APP: variants seen among roughly 807,000 people sequenced by gnomAD.
APP encodes the protein amyloid beta precursor protein, also known as amyloid-beta precursor protein.
APP carries 31 observed loss-of-function variants against 101.4 expected under a neutral mutation model. The ratio of observed to expected loss-of-function variants is 0.31; its 90% CI spans 0.23 to 0.41. APP has a LOEUF of 0.41. Among genes scored for constraint, APP ranks in the 10% least tolerant of loss-of-function variants. The probability of loss-of-function intolerance (pLI) is 1.00; values close to 1 mark genes in which losing one functional copy is unlikely to be tolerated. For missense variants in APP, 839 were observed against 1,003.7 expected, an observed-to-expected ratio of 0.84 and a Z score of 2.22; for synonymous variants, 366 against 364.4, an observed-to-expected ratio of 1.00 and a Z score of -0.05.
intron 5 of APP, among the ~76,000 whole-genome samples, chr21:26,025,018 A>C (rs1001808567): frequency 2.0e-5 from 3 of 152,252 alleles, no homozygotes; most frequent in Non-Finnish European, 4.4e-5. Flanking sequence ...CTAGGACGAA[A>C]TAGGTGAAAA....
intron 4 of APP, among the ~76,000 whole-genome samples, 170 bp downstream of exon 4, chr21:26,053,066 A>T (rs559331668): frequency 7.5e-4 from 114 of 152,226 alleles, no homozygotes; most frequent in Middle Eastern, 3.4e-3. Context: ...TTTGCTGTGA[A>T]CCTAAAATCA....
chr21:26,011,155 A>C (rs546090707), intron 6 of APP, among the ~76,000 whole-genome samples: 1 of 152,142 alleles, frequency 6.6e-6, no homozygotes, highest in South Asian at 2.1e-4. Context: ...AGCTCACTGC[A>C]ACCTCAACCT....
chr21:26,048,667 A>T (rs1189679959), intron 5 of APP, among the ~76,000 whole-genome samples: 1 of 152,212 alleles, frequency 6.6e-6, no homozygotes, highest in East Asian at 1.9e-4. Context: ...CTAACAGATA[A>T]AAAGAGATAT....
At chr21:25,895,082 T>C (rs1330623703) in intron 16 of APP, among the ~76,000 whole-genome samples, 2 of 150,494 alleles carry the variant, frequency 1.3e-5, no homozygotes, top group African/African-American at 4.9e-5. Flanking sequence ...TAAAATATTT[T>C]ACTAATAAAA....
intron 13 of APP, among the ~76,000 whole-genome samples, chr21:25,936,508 A>C (rs1042223390): frequency 4.6e-5 from 7 of 152,184 alleles, no homozygotes; most frequent in African/African-American, 1.4e-4. Context: ...GTGCCATTGC[A>C]CTCCAGCCTG....
At chr21:25,938,535 A>C (rs1045069351) in intron 13 of APP, among the ~76,000 whole-genome samples, 11 of 152,180 alleles carry the variant, frequency 7.2e-5, no homozygotes, top group African/African-American at 2.7e-4. Flanking sequence ...ATGAGTTTTA[A>C]AAACCTCTGA....
At chr21:25,935,341 T>C (rs1263829962) in intron 13 of APP, 1 of 152,224 alleles carries the variant, frequency 6.6e-6, no homozygotes, top group African/African-American at 2.4e-5. Flanking sequence ...TTTCATTTTA[T>C]TCTTGTGTAA....
chr21:26,000,064 C>G lies in APP; in HGVS notation c.984G>C (p.Arg328=). ...AGTACTCTTCTGTGTCAAAGTTGTTCCGGTTGCCGCCACATCCGCCGTAAA... is the reference window on the plus strand; with the variant it reads ...AGTACTCTTCTGTGTCAAAGTTGTTGCGGTTGCCGCCACATCCGCCGTAAA... ...PFFYGGCGGN[R]NNFDTEEYCM... is the part of the protein sequence containing the mutation. Residue 328 remains arginine (R), a synonymous_variant, in exon 7 of 18, where the codon CGG becomes CGC. Coordinates refer to ENST00000346798, the MANE Select transcript of APP (RefSeq NM_000484.4). 6 of 1,614,142 alleles carry G rather than the reference C, an allele frequency of 3.7e-6. No homozygotes were observed. Among genetic ancestry groups the G allele is most frequent in the Non-Finnish European group, 5.1e-6 (6 of 1,180,016 alleles).
intron 5 of APP, among the ~76,000 whole-genome samples, chr21:26,026,292 T>G (rs536906033): frequency 6.6e-6 from 1 of 152,204 alleles, no homozygotes; most frequent in African/African-American, 2.4e-5. Flanking sequence ...TAACAAACAT[T>G]TTTACAGAAC....
intron 3 of APP, among the ~76,000 whole-genome samples, chr21:26,071,953 T>C (rs2061418975): frequency 6.6e-6 from 1 of 152,226 alleles, no homozygotes; most frequent in South Asian, 2.1e-4. Context: ...ACACAGCAAT[T>C]CTAGAGATTC....
intron 3 of APP, among the ~76,000 whole-genome samples, chr21:26,060,620 G>A (rs2046233275): frequency 1.3e-5 from 2 of 152,166 alleles, no homozygotes; most frequent in Admixed American, 6.5e-5. Flanking sequence ...GCAGAGAAAG[G>A]GGTGGTTTGT....
At chr21:26,140,341 A>C (rs751137807) in intron 1 of APP, 213 of 1,515,884 alleles carry the variant, frequency 1.4e-4, no homozygotes, top group Non-Finnish European at 1.7e-4. Flanking sequence ...AGTCAACAGC[A>C]TGTCAACACT....
At chr21:26,078,077 G>A (rs532901610) in intron 3 of APP, among the ~76,000 whole-genome samples, 1 of 152,094 alleles carries the variant, frequency 6.6e-6, no homozygotes, top group African/African-American at 2.4e-5. Flanking sequence ...GCTTATTTGT[G>A]TACCTGAAAA....
chr21:26,001,832 G>T lies in APP; in HGVS notation c.866-1650C>A, dbSNP rs531261966. 2.4e-3 allele frequency among the ~76,000 whole-genome samples: 7 copies of T among 2,874 alleles called. No individual in the cohort carries two copies. The South Asian group carries it at 0.049, about 20-fold the overall frequency. 1.9% of individuals were successfully genotyped at this position (2,874 alleles called of 152,430 possible). On this transcript the variant is annotated intron_variant, in intron 6 of 17. Transcript: ENST00000346798. ...GATTGATTCTAATTAGCCAATCAAA[G>T]ACAAGGATCCATCACATCTAGGCAT...
chr21:25,888,184 G>A (rs1353866517), intron 17 of APP, among the ~76,000 whole-genome samples: 1 of 152,226 alleles, frequency 6.6e-6, no homozygotes, highest in Non-Finnish European at 1.5e-5. Flanking sequence ...ACTGATTAAT[G>A]AAGGTTAGCC....
intron 4 of APP, among the ~76,000 whole-genome samples, chr21:26,051,913 G>A (rs946928833): frequency 2.0e-5 from 3 of 152,132 alleles, no homozygotes; most frequent in Non-Finnish European, 2.9e-5. Context: ...AGTCATTTCC[G>A]TTTCTTAGAG....
chr21:26,057,768 A>T (rs2046102121), intron 3 of APP, among the ~76,000 whole-genome samples: 1 of 152,208 alleles, frequency 6.6e-6, no homozygotes, highest in Non-Finnish European at 1.5e-5. Context: ...CCAGTTCTCC[A>T]TCCAAGAGTG....
chr21:25,891,579 A>G, intron 17 of APP, 143 bp downstream of exon 17: 1 of 844,506 alleles, frequency 1.2e-6, no homozygotes. Flanking sequence ...AAAACAAGAA[A>G]GAACAACTGT....
At chr21:26,005,017 G>A (rs2043469278) in intron 6 of APP, among the ~76,000 whole-genome samples, 1 of 152,134 alleles carries the variant, frequency 6.6e-6, no homozygotes, top group Non-Finnish European at 1.5e-5. Flanking sequence ...ATTTCATGGT[G>A]TATATGTGCC....
Sources: gnomAD v4.1 joint callset for allele counts (sites outside exome capture counted in the v4.1 genomes callset) on GRCh38, gnomAD v4.1.1 for gene constraint, MANE v1.5 for transcripts, NCBI Gene and HGNC (gene_info 2026-07-23, HGNC 2026-07-21) for gene names.